Variants in EXOC6B observed in about 807,000 individuals in gnomAD.
EXOC6B encodes exocyst complex component 6B, also known as SEC15 homolog B.
A neutral mutation model predicts 113.5 loss-of-function variants in EXOC6B; 54 were observed. That is an observed-to-expected ratio of 0.48 (90% CI 0.38 to 0.60). EXOC6B has a LOEUF of 0.60. Among genes scored for constraint, EXOC6B ranks in the 20% least tolerant of loss-of-function variants. EXOC6B has a pLI of 0.00. For synonymous variants in EXOC6B, 357 were observed against 339.0 expected (o/e 1.05, Z -0.58); for missense variants, 797 against 977.5 (o/e 0.82, Z 2.46).
intron 6 of EXOC6B, among the ~76,000 whole-genome samples, chr2:72,669,124 A>ATTTCT (rs1423413938): frequency 3.3e-5 from 5 of 151,998 alleles, no homozygotes; most frequent in African/African-American, 1.2e-4. Flanking sequence ...AAATTCTATT[A>ATTTCT]GTTTAAAGAA....
intron 19 of EXOC6B, among the ~76,000 whole-genome samples, chr2:72,352,243 A>G (rs1382626338): frequency 6.6e-6 from 1 of 152,164 alleles, no homozygotes; most frequent in Non-Finnish European, 1.5e-5. Flanking sequence ...TTATCCCACT[A>G]GTGACCCTAC....
At chr2:72,289,819 C>T (rs920002375) in intron 20 of EXOC6B, among the ~76,000 whole-genome samples, 7 of 152,018 alleles carry the variant, frequency 4.6e-5, no homozygotes, top group African/African-American at 1.7e-4. Context: ...CCCAGAAGAT[C>T]GAGGCTGCAG....
intron 6 of EXOC6B, among the ~76,000 whole-genome samples, chr2:72,661,399 ATAAG>A (rs1158549142): frequency 6.6e-6 from 1 of 151,926 alleles, no homozygotes; most frequent in Non-Finnish European, 1.5e-5. Context: ...CCTACAACAA[ATAAG>A]TGAGTTTGAC....
chr2:72,222,701 G>C (rs1680952898), intron 20 of EXOC6B, among the ~76,000 whole-genome samples: 1 of 152,056 alleles, frequency 6.6e-6, no homozygotes, highest in African/African-American at 2.4e-5. Flanking sequence ...CAGCTGGTGG[G>C]CTACATGGGT....
intron 18 of EXOC6B, among the ~76,000 whole-genome samples, chr2:72,421,082 T>C (rs933333527): frequency 1.3e-5 from 2 of 152,170 alleles, no homozygotes; most frequent in African/African-American, 2.4e-5. Flanking sequence ...TTTGATGCAG[T>C]TGTTTATTTT....
chr2:72,327,657 G>T (rs2104852875), intron 20 of EXOC6B, among the ~76,000 whole-genome samples: 1 of 152,126 alleles, frequency 6.6e-6, no homozygotes, highest in Middle Eastern at 3.4e-3. Flanking sequence ...GTCCTGGTCT[G>T]CCAAATATGA....
intron 11 of EXOC6B, among the ~76,000 whole-genome samples, chr2:72,505,228 T>A (rs889280856): frequency 2.0e-5 from 3 of 152,184 alleles, no homozygotes; most frequent in Non-Finnish European, 4.4e-5. Flanking sequence ...GGCTTTCACA[T>A]TTTCATATTT....
At chr2:72,322,763 G>T (rs564982155) in intron 20 of EXOC6B, among the ~76,000 whole-genome samples, 1 of 152,230 alleles carries the variant, frequency 6.6e-6, no homozygotes, top group African/African-American at 2.4e-5. Flanking sequence ...TTAATAAATG[G>T]TGTTGGGAAA....
intron 1 of EXOC6B, among the ~76,000 whole-genome samples, chr2:72,758,247 A>G (rs1468432632): frequency 2.6e-5 from 4 of 151,744 alleles, no homozygotes; most frequent in Non-Finnish European, 4.4e-5. Context: ...AGATTCCTAG[A>G]TCCCTTCCAC....
At chr2:72,636,251 G>T (rs1246327134) in intron 6 of EXOC6B, among the ~76,000 whole-genome samples, 2 of 142,918 alleles carry the variant, frequency 1.4e-5, no homozygotes, top group South Asian at 4.8e-4. Context: ...AAGACAAGAA[G>T]AGGAAGAGGA....
chr2:72,422,348 C>T (rs1330673489), intron 18 of EXOC6B, among the ~76,000 whole-genome samples: 1 of 152,218 alleles, frequency 6.6e-6, no homozygotes, highest in Non-Finnish European at 1.5e-5. Flanking sequence ...TGTAAACACC[C>T]CAATCAGCAC....
intron 20 of EXOC6B, among the ~76,000 whole-genome samples, chr2:72,201,023 T>C (rs1679458647): frequency 6.6e-6 from 1 of 152,156 alleles, no homozygotes; most frequent in Non-Finnish European, 1.5e-5. Context: ...TTGTTATGTA[T>C]CTGCTATATG....
At chr2:72,624,627 T>C (rs912076285) in intron 6 of EXOC6B, among the ~76,000 whole-genome samples, 9 of 152,088 alleles carry the variant, frequency 5.9e-5, no homozygotes, top group Non-Finnish European at 1.3e-4. Context: ...ATATCTATAG[T>C]ACTAGCTACT....
At chr2:72,361,585 CAAAATT>C (rs1237442405) in intron 19 of EXOC6B, among the ~76,000 whole-genome samples, 1 of 152,098 alleles carries the variant, frequency 6.6e-6, no homozygotes, top group African/African-American at 2.4e-5. Flanking sequence ...GTGGAGAAAA[CAAAATT>C]AAGTAGGCAG....
At chr2:72,253,773 T>TAATCTGC (rs1159122885) in intron 20 of EXOC6B, among the ~76,000 whole-genome samples, 1 of 152,084 alleles carries the variant, frequency 6.6e-6, no homozygotes, top group East Asian at 1.9e-4. Flanking sequence ...GGTGACAAAA[T>TAATCTGC]AATCTGCACA....
chr2:72,483,087 C>A (rs959590528), intron 16 of EXOC6B, among the ~76,000 whole-genome samples: 2 of 152,280 alleles, frequency 1.3e-5, no homozygotes, highest in South Asian at 2.1e-4. Context: ...AAACAAACAA[C>A]CTTTTAACTT....
intron 18 of EXOC6B, among the ~76,000 whole-genome samples, chr2:72,414,258 G>A (rs1694376955): frequency 6.6e-6 from 1 of 152,102 alleles, no homozygotes; most frequent in South Asian, 2.1e-4. Flanking sequence ...TCTGCACTGA[G>A]TATTCTACAA....
chr2:72,763,757 A>G (rs1484427878), intron 1 of EXOC6B, among the ~76,000 whole-genome samples: 1 of 152,082 alleles, frequency 6.6e-6, no homozygotes, highest in Non-Finnish European at 1.5e-5. Context: ...TCTATTTTTA[A>G]TTTTTGAGAA....
intron 1 of EXOC6B, among the ~76,000 whole-genome samples, chr2:72,795,469 A>G (rs1329440542): frequency 6.6e-6 from 1 of 152,054 alleles, no homozygotes; most frequent in Non-Finnish European, 1.5e-5. Context: ...CCAGCTACTC[A>G]GGAGGCTGAG....
Sources: gnomAD v4.1 joint callset for allele counts (sites outside exome capture counted in the v4.1 genomes callset) on GRCh38, gnomAD v4.1.1 for gene constraint, MANE v1.5 for transcripts, NCBI Gene and HGNC (gene_info 2026-07-23, HGNC 2026-07-21) for gene names.